SH2D4A: variants seen among roughly 807,000 people sequenced by gnomAD.
SH2D4A encodes SH2 domain-containing protein 4A.
SH2D4A carries 70 observed loss-of-function variants against 64.7 expected under a neutral mutation model. The ratio of observed to expected loss-of-function variants is 1.08; its 90% CI spans 0.89 to 1.32. The LOEUF (loss-of-function observed/expected upper bound fraction) is 1.32, where lower values mean the gene tolerates loss of function less well. SH2D4A is among the 40% of genes most tolerant of loss of function. SH2D4A has a pLI of 0.00. For missense variants in SH2D4A, 706 were observed against 540.1 expected (o/e 1.31, Z -3.04); for synonymous variants, 268 against 200.7 (o/e 1.34, Z -2.83).
intron 3 of SH2D4A, 86 bp from the exon 4 acceptor site, chr8:19,334,600 C>T: frequency 1.4e-6 from 2 of 1,430,212 alleles, no homozygotes; most frequent in Non-Finnish European, 1.9e-6. Context: ...CTGTTTTTCA[C>T]ATAATTTGAA....
rs1282603702 is a variant in SH2D4A at position 19,394,856 on chromosome 8, A to C, written c.*214A>C. 1 of 386,916 alleles carries C rather than the reference A, an allele frequency of 2.6e-6. No homozygotes were observed. Among genetic ancestry groups the C allele is most frequent in the African/African-American group, 2.1e-5 (1 of 48,594 alleles). 24.0% of individuals were successfully genotyped at this position (386,916 alleles called of 1,614,324 possible). On this transcript the variant is annotated 3_prime_UTR_variant, in exon 10 of 10. Transcript: ENST00000265807. The stretch of plus-strand genomic sequence containing the variant: ...AGAAAATGACCTCTGCTCAAAAGGG[A>C]GAAGAGTCTCAATTTCAGCAAGTAC...
At chr8:19,387,509 G>A (rs2053410646) in intron 8 of SH2D4A, among the ~76,000 whole-genome samples, 1 of 152,244 alleles carries the variant, frequency 6.6e-6, no homozygotes, top group Non-Finnish European at 1.5e-5. Flanking sequence ...CAAAGTGCTG[G>A]GATTATGGGC....
chr8:19,391,473 G>A (rs1330672433), intron 8 of SH2D4A, among the ~76,000 whole-genome samples: 1 of 152,126 alleles, frequency 6.6e-6, no homozygotes, highest in African/African-American at 2.4e-5. Flanking sequence ...TGCTGGGAAT[G>A]AGTGTAATAG....
At chr8:19,355,095 CA>C (rs770910404) in intron 4 of SH2D4A, among the ~76,000 whole-genome samples, 1 of 152,188 alleles carries the variant, frequency 6.6e-6, no homozygotes, top group Non-Finnish European at 1.5e-5. Context: ...CTACAGGATT[CA>C]TTAGTTTGCC....
intron 7 of SH2D4A, among the ~76,000 whole-genome samples, chr8:19,371,022 C>G (rs1192600339): frequency 1.3e-5 from 2 of 152,038 alleles, no homozygotes; most frequent in Non-Finnish European, 2.9e-5. Context: ...TCTCTCCTTG[C>G]ATTTTGTATT....
chr8:19,327,391 A>T (rs1440791045), intron 2 of SH2D4A, among the ~76,000 whole-genome samples: 1 of 152,238 alleles, frequency 6.6e-6, no homozygotes, highest in Non-Finnish European at 1.5e-5. Flanking sequence ...GTATTCAACT[A>T]GGAAAAGACA....
chr8:19,325,059 T>A (rs1477655499), intron 2 of SH2D4A, among the ~76,000 whole-genome samples: 2 of 152,072 alleles, frequency 1.3e-5, no homozygotes, highest in East Asian at 3.9e-4. Context: ...CAAAACCCAA[T>A]TCACCAGCAT....
In SH2D4A at chr8:19,395,116, ACCT is replaced by A. The variant is rs1396089339; in HGVS notation, c.*476_*478del. On this transcript the variant is annotated 3_prime_UTR_variant, in exon 10 of 10. Coordinates refer to ENST00000265807, the MANE Select transcript of SH2D4A (RefSeq NM_022071.4). ...CTGGCTGAGATGATGCTTAAAACACACCTCACTTATTGTACATGTTGGAACCAG... is the reference window on the plus strand; with the variant it reads ...CTGGCTGAGATGATGCTTAAAACACACACTTATTGTACATGTTGGAACCAG... 2 of 152,236 alleles carry A rather than the reference ACCT, an allele frequency of 1.3e-5. No homozygotes were observed. Among genetic ancestry groups the A allele is most frequent in the Admixed American group, 6.5e-5 (1 of 15,282 alleles). 9.4% of individuals were successfully genotyped at this position (152,236 alleles called of 1,614,324 possible). A position where few individuals can be genotyped will look rare whatever the true frequency, so the allele number is the denominator to read the frequency against.
intron 8 of SH2D4A, among the ~76,000 whole-genome samples, chr8:19,374,419 G>C (rs550237954): frequency 2.0e-5 from 3 of 152,158 alleles, no homozygotes; most frequent in Admixed American, 6.5e-5. Context: ...GACAACAAAA[G>C]GTGCTTTAAA....
In SH2D4A at chr8:19,332,951, G is replaced by T; in HGVS notation, c.182-4G>T. On this transcript the variant is annotated splice_region_variant and splice_polypyrimidine_tract_variant and intron_variant, in intron 2 of 9. Coordinates refer to ENST00000265807, the MANE Select transcript of SH2D4A (RefSeq NM_022071.4). ...GAATTTTTTGTTTGTGTGTTTGTTT[G>T]CAGAGAATGGCAAATCGGTTCATTG... 1 of 1,608,210 alleles carries T rather than the reference G, an allele frequency of 6.2e-7. No homozygotes were observed. Among genetic ancestry groups the T allele is most frequent in the Non-Finnish European group, 8.5e-7 (1 of 1,178,678 alleles).
intron 5 of SH2D4A, chr8:19,360,786 G>GT (rs2052871524): frequency 6.5e-6 from 1 of 153,272 alleles, no homozygotes; most frequent in Non-Finnish European, 1.5e-5. Flanking sequence ...CTAGTTCTAT[G>GT]TAATAGTGTG....
At chr8:19,385,180 T>C (rs967354211) in intron 8 of SH2D4A, among the ~76,000 whole-genome samples, 2 of 151,928 alleles carry the variant, frequency 1.3e-5, no homozygotes, top group Non-Finnish European at 2.9e-5. Flanking sequence ...TTTGGTGGGA[T>C]AGCAATATAG....
intron 8 of SH2D4A, among the ~76,000 whole-genome samples, chr8:19,379,090 A>T (rs1035752442): frequency 2.0e-5 from 3 of 151,266 alleles, no homozygotes; most frequent in Non-Finnish European, 4.4e-5. Context: ...AAAAAAAAAA[A>T]AAATTTCTAC....
At chr8:19,320,557 G>A (rs1229315416) in intron 2 of SH2D4A, among the ~76,000 whole-genome samples, 1 of 144,498 alleles carries the variant, frequency 6.9e-6, no homozygotes, top group Non-Finnish European at 1.5e-5. Flanking sequence ...TCAGGAGATC[G>A]AGGCCACACT....
At chr8:19,381,065 G>A (rs190678889) in intron 8 of SH2D4A, among the ~76,000 whole-genome samples, 21 of 148,702 alleles carry the variant, frequency 1.4e-4, no homozygotes, top group African/African-American at 5.0e-4. Context: ...TTTTTTAGAC[G>A]GAGTCTTGCT....
At chr8:19,337,603 C>T (rs1016526214) in intron 4 of SH2D4A, among the ~76,000 whole-genome samples, 1 of 152,266 alleles carries the variant, frequency 6.6e-6, no homozygotes, top group Admixed American at 6.5e-5. Context: ...CAAGATTGGG[C>T]AGTTTACAAA....
At chr8:19,367,394 T>G (rs991991887) in intron 7 of SH2D4A, among the ~76,000 whole-genome samples, 2 of 152,226 alleles carry the variant, frequency 1.3e-5, no homozygotes, top group African/African-American at 4.8e-5. Context: ...TTCTCTAGAT[T>G]CTCACCAGCA....
chr8:19,364,377 G>C lies in SH2D4A; in HGVS notation c.917+95G>C, dbSNP rs553161519. ...GGGGAATTGTATGAGCTGCCATGGG[G>C]TGTGGAGGGCCAACTGGCAGCCTGT... On this transcript the variant is annotated intron_variant, in intron 7 of 9. Transcript: ENST00000265807. 4 of 1,396,976 alleles carry C rather than the reference G, an allele frequency of 2.9e-6. No individual in the cohort carries two copies. In the African/African-American group the frequency reaches 5.7e-5, roughly 20 times the overall value. 86.5% of individuals were successfully genotyped at this position (1,396,976 alleles called of 1,614,324 possible).
intron 2 of SH2D4A, among the ~76,000 whole-genome samples, chr8:19,330,478 C>G (rs1056948424): frequency 2.6e-5 from 4 of 152,182 alleles, no homozygotes; most frequent in Admixed American, 6.5e-5. Flanking sequence ...ACTGTGTTCT[C>G]TCTGTTACCT....
Sources: gnomAD v4.1 joint callset for allele counts (sites outside exome capture counted in the v4.1 genomes callset) on GRCh38, gnomAD v4.1.1 for gene constraint, MANE v1.5 for transcripts, NCBI Gene and HGNC (gene_info 2026-07-23, HGNC 2026-07-21) for gene names.